LSAMP: variants seen among roughly 807,000 people sequenced by gnomAD.
LSAMP encodes the protein limbic system-associated membrane protein.
In LSAMP, 7 loss-of-function variants were observed where a neutral mutation model predicts 38.6. That is an observed-to-expected ratio of 0.18 (90% CI 0.10 to 0.34). The LOEUF is 0.34. Ranked by LOEUF, LSAMP falls within the 10% of genes least tolerant of loss-of-function variation. The pLI, the probability that LSAMP is intolerant of heterozygous loss-of-function variation, is 1.00. For missense variants in LSAMP, 313 were observed against 420.0 expected, an observed-to-expected ratio of 0.75 and a Z score of 2.23; for synonymous variants, 154 against 166.8, an observed-to-expected ratio of 0.92 and a Z score of 0.59.
At chr3:116,030,269 A>G (rs1471173120) in intron 2 of LSAMP, among the ~76,000 whole-genome samples, 1 of 152,168 alleles carries the variant, frequency 6.6e-6, no homozygotes, top group Non-Finnish European at 1.5e-5. Flanking sequence ...CATTCAGCTA[A>G]GCGTGTCCAT....
At chr3:116,248,230 T>C (rs1324702028) in intron 1 of LSAMP, among the ~76,000 whole-genome samples, 1 of 152,166 alleles carries the variant, frequency 6.6e-6, no homozygotes, top group East Asian at 1.9e-4. Context: ...GAGAAAGAAA[T>C]GGTTTCAGAA....
chr3:116,411,820 G>T (rs2048983361), intron 1 of LSAMP, among the ~76,000 whole-genome samples: 1 of 151,870 alleles, frequency 6.6e-6, no homozygotes. Context: ...ACCTTTAAGA[G>T]GTGATTAGGT....
chr3:116,158,338 C>G (rs1007231705), intron 1 of LSAMP, among the ~76,000 whole-genome samples: 7 of 152,062 alleles, frequency 4.6e-5, no homozygotes, highest in Admixed American at 4.6e-4. Context: ...CAACCTAGTA[C>G]TATAAGTCCT....
At chr3:116,209,740 T>A (rs545439894) in intron 1 of LSAMP, among the ~76,000 whole-genome samples, 30 of 151,806 alleles carry the variant, frequency 2.0e-4, no homozygotes, top group African/African-American at 6.8e-4. Context: ...GGGATTTATT[T>A]ATTATTTATT....
chr3:116,172,381 A>G (rs1002604308), intron 1 of LSAMP, among the ~76,000 whole-genome samples: 1 of 151,192 alleles, frequency 6.6e-6, no homozygotes, highest in Non-Finnish European at 1.5e-5. Context: ...GAAAGCTGTT[A>G]AGTTCTTTTA....
intron 1 of LSAMP, among the ~76,000 whole-genome samples, chr3:116,128,359 C>A (rs915588057): frequency 6.6e-6 from 1 of 152,154 alleles, no homozygotes; most frequent in African/African-American, 2.4e-5. Flanking sequence ...GGTATCTGAG[C>A]GTCTGACTTC....
intron 1 of LSAMP, among the ~76,000 whole-genome samples, chr3:116,201,139 C>G (rs1458517316): frequency 6.6e-6 from 1 of 152,142 alleles, no homozygotes; most frequent in Non-Finnish European, 1.5e-5. Flanking sequence ...CCCGCTGTAC[C>G]TCCTTCTCCC....
intron 1 of LSAMP, among the ~76,000 whole-genome samples, chr3:116,392,792 GGACTCAGCCA>G (rs2048721487): frequency 6.6e-6 from 1 of 152,182 alleles, no homozygotes; most frequent in Admixed American, 6.5e-5. Context: ...TAAAAACCCA[GGACTCAGCCA>G]GACTTGAGCA....
chr3:116,303,660 C>T (rs936643072), intron 1 of LSAMP, among the ~76,000 whole-genome samples: 3 of 152,018 alleles, frequency 2.0e-5, no homozygotes, highest in Non-Finnish European at 2.9e-5. Context: ...TGAACATGGC[C>T]CAGAGTAAGT....
chr3:115,850,692 T>C (rs1479694445), intron 4 of LSAMP, among the ~76,000 whole-genome samples: 1 of 152,210 alleles, frequency 6.6e-6, no homozygotes, highest in Non-Finnish European at 1.5e-5. Flanking sequence ...ACCCCTTGCT[T>C]CTTGGAAATG....
chr3:116,220,641 A>T (rs1420657499), intron 1 of LSAMP, among the ~76,000 whole-genome samples: 9 of 152,194 alleles, frequency 5.9e-5, no homozygotes, highest in Non-Finnish European at 1.3e-4. Flanking sequence ...TGGAGCAATC[A>T]TTACGGATTC....
intron 3 of LSAMP, among the ~76,000 whole-genome samples, chr3:115,870,977 A>T (rs1936016241): frequency 6.6e-6 from 1 of 152,134 alleles, no homozygotes; most frequent in South Asian, 2.1e-4. Context: ...CAGAAGAGAA[A>T]ACTCATTACA....
intron 1 of LSAMP, among the ~76,000 whole-genome samples, chr3:116,198,772 G>GAAAAAAAAAAAAAAAA (rs71141858): frequency 2.9e-5 from 3 of 103,210 alleles, no homozygotes; most frequent in South Asian, 3.9e-4. Context: ...CTCCGTCTCA[G>GAAAAAAAAAAAAAAAA]AAAAAAAAAG....
intron 1 of LSAMP, among the ~76,000 whole-genome samples, chr3:116,262,048 T>C (rs1170395400): frequency 6.6e-6 from 1 of 152,098 alleles, no homozygotes; most frequent in Non-Finnish European, 1.5e-5. Flanking sequence ...ATCACTTCCC[T>C]ATTGAGCCTA....
chr3:115,927,178 T>C (rs1221599927), intron 3 of LSAMP, among the ~76,000 whole-genome samples: 1 of 152,066 alleles, frequency 6.6e-6, no homozygotes, highest in East Asian at 1.9e-4. Flanking sequence ...TCACACATCA[T>C]AAAGGACATT....
intron 6 of LSAMP, among the ~76,000 whole-genome samples, chr3:115,815,123 A>G (rs1933974172): frequency 1.3e-5 from 2 of 152,198 alleles, no homozygotes; most frequent in African/African-American, 4.8e-5. Context: ...AGGTACATAC[A>G]GTACAATAAG....
chr3:115,809,341 C>G lies in LSAMP; in HGVS notation c.*976G>C, dbSNP rs1933731291. On this transcript the variant is annotated 3_prime_UTR_variant, in exon 7 of 7. Transcript: ENST00000490035. ...GGTCCTGCCCTTGGAAGGAGCATAGCTTGGTTTGAATACACACTGATGCCA... is the reference window on the plus strand; with the variant it reads ...GGTCCTGCCCTTGGAAGGAGCATAGGTTGGTTTGAATACACACTGATGCCA... The G allele has an allele frequency of 6.6e-6, 1 of 152,226 alleles. No individual in the cohort carries two copies. The highest frequency in any genetic ancestry group is 1.5e-5 in the Non-Finnish European group (1 of 68,088). The allele number at this position is 152,226 out of a possible 1,614,324, so 9.4% of individuals were successfully genotyped here.
intron 1 of LSAMP, among the ~76,000 whole-genome samples, chr3:116,262,342 G>A (rs2046836045): frequency 6.6e-6 from 1 of 152,166 alleles, no homozygotes; most frequent in African/African-American, 2.4e-5. Flanking sequence ...CCTAGACTGT[G>A]ATGTGAGAAC....
chr3:116,070,416 CAGAAG>C (rs1707572142), intron 2 of LSAMP, among the ~76,000 whole-genome samples: 1 of 152,010 alleles, frequency 6.6e-6, no homozygotes, highest in Non-Finnish European at 1.5e-5. Flanking sequence ...TGGTTAGAGA[CAGAAG>C]AGATCAAAAC....
Sources: gnomAD v4.1 joint callset for allele counts (sites outside exome capture counted in the v4.1 genomes callset) on GRCh38, gnomAD v4.1.1 for gene constraint, MANE v1.5 for transcripts, NCBI Gene and HGNC (gene_info 2026-07-23, HGNC 2026-07-21) for gene names.